The following SORBS2 variants were observed in gnomAD, a reference collection of about 807,000 sequenced individuals.
SORBS2 encodes the protein sorbin and SH3 domain containing 2.
SORBS2 carries 46 observed loss-of-function variants against 97.7 expected under a neutral mutation model. That is an observed-to-expected ratio of 0.47 (90% CI 0.37 to 0.60). The LOEUF (loss-of-function observed/expected upper bound fraction) is 0.60, where lower values mean the gene tolerates loss of function less well. Among genes scored for constraint, SORBS2 ranks in the 20% least tolerant of loss-of-function variants. The pLI, the probability that SORBS2 is intolerant of heterozygous loss-of-function variation, is 0.00. For missense variants in SORBS2, 1,316 were observed against 1,282.3 expected (o/e 1.03, Z -0.40); for synonymous variants, 476 against 473.4 (o/e 1.01, Z -0.07).
At chr4:185,722,578 T>TA (rs919226786) in intron 2 of SORBS2, among the ~76,000 whole-genome samples, 8 of 152,052 alleles carry the variant, frequency 5.3e-5, no homozygotes, top group African/African-American at 1.4e-4. Context: ...TGATTGGTGA[T>TA]AAAAAAAATT....
intron 13 of SORBS2, among the ~76,000 whole-genome samples, chr4:185,591,276 T>C (rs2095926486): frequency 6.6e-6 from 1 of 152,190 alleles, no homozygotes; most frequent in South Asian, 2.1e-4. Context: ...TAGAGGCTTC[T>C]TCTCCTGTTA....
At chr4:185,744,952 C>T (rs183730949) in intron 2 of SORBS2, among the ~76,000 whole-genome samples, 6 of 152,332 alleles carry the variant, frequency 3.9e-5, no homozygotes, top group Admixed American at 2.6e-4. Flanking sequence ...ATATTGAAGT[C>T]GCCCAAACTG....
At chr4:185,708,656 C>G (rs1583177393) in intron 2 of SORBS2, among the ~76,000 whole-genome samples, 1 of 152,250 alleles carries the variant, frequency 6.6e-6, no homozygotes, top group East Asian at 1.9e-4. Context: ...TTCTTTCCGC[C>G]CTCCGTGATG....
At chr4:185,758,449 C>T (rs2098844163) in intron 2 of SORBS2, among the ~76,000 whole-genome samples, 1 of 152,184 alleles carries the variant, frequency 6.6e-6, no homozygotes, top group African/African-American at 2.4e-5. Flanking sequence ...CCTCCTCCTC[C>T]TGGCCTCTCA....
At chr4:185,926,209 T>C (rs759282225) in intron 1 of SORBS2, among the ~76,000 whole-genome samples, 9 of 152,190 alleles carry the variant, frequency 5.9e-5, no homozygotes, top group Non-Finnish European at 1.0e-4. Flanking sequence ...ATTTGCATTT[T>C]GAAAATGACT....
chr4:185,658,351 T>C (rs1445373270), upstream of SORBS2, among the ~76,000 whole-genome samples: 2 of 152,206 alleles, frequency 1.3e-5, no homozygotes, highest in Admixed American at 1.3e-4. Context: ...TAGAATACTT[T>C]CAGAAGCAAC....
chr4:185,868,701 A>C (rs557514155), intron 1 of SORBS2, among the ~76,000 whole-genome samples: 1 of 152,202 alleles, frequency 6.6e-6, no homozygotes, highest in African/African-American at 2.4e-5. Flanking sequence ...GGGAATAGAG[A>C]AAAGCTAAAG....
intron 1 of SORBS2, among the ~76,000 whole-genome samples, chr4:185,938,604 T>C (rs2099270267): frequency 6.6e-6 from 1 of 152,058 alleles, no homozygotes; most frequent in African/African-American, 2.4e-5. Flanking sequence ...AAGCATCCAC[T>C]CTGATAATTA....
At chr4:185,897,067 T>G (rs1300878011) in intron 1 of SORBS2, among the ~76,000 whole-genome samples, 1 of 152,068 alleles carries the variant, frequency 6.6e-6, no homozygotes, top group Non-Finnish European at 1.5e-5. Context: ...TGCTCACTTC[T>G]GCCTTCCGGT....
At chr4:185,711,632 C>A (rs1043739959) in intron 2 of SORBS2, among the ~76,000 whole-genome samples, 4 of 152,220 alleles carry the variant, frequency 2.6e-5, no homozygotes, top group African/African-American at 7.2e-5. Flanking sequence ...TCAAAGCAAT[C>A]TGTTCTACAT....
intron 1 of SORBS2, among the ~76,000 whole-genome samples, chr4:185,828,335 C>T (rs1442520141): frequency 6.6e-6 from 1 of 152,096 alleles, no homozygotes; most frequent in African/African-American, 2.4e-5. Context: ...AGACGCAGAA[C>T]CAGAGGAGGC....
At chr4:185,847,455 C>T (rs984875515) in intron 1 of SORBS2, among the ~76,000 whole-genome samples, 3 of 152,050 alleles carry the variant, frequency 2.0e-5, no homozygotes, top group Admixed American at 6.6e-5. Context: ...TGAACACATG[C>T]GTCAATGGTG....
At chr4:185,600,463 C>G (rs529482409) in intron 12 of SORBS2, among the ~76,000 whole-genome samples, 2 of 152,140 alleles carry the variant, frequency 1.3e-5, no homozygotes, top group African/African-American at 4.8e-5. Context: ...CTCAGCCTCC[C>G]GAGTAGCTGG....
chr4:185,598,267 A>G (rs552091037), intron 12 of SORBS2, among the ~76,000 whole-genome samples: 18 of 152,306 alleles, frequency 1.2e-4, no homozygotes, highest in African/African-American at 4.3e-4. Flanking sequence ...TGCGGTTTTC[A>G]TCGTATCCTA....
intron 1 of SORBS2, among the ~76,000 whole-genome samples, chr4:185,893,207 C>T (rs1171364231): frequency 6.6e-6 from 1 of 152,178 alleles, no homozygotes; most frequent in Non-Finnish European, 1.5e-5. Flanking sequence ...AAGGCCTTAT[C>T]ATACTAGGAA....
At position 185,857,100 on chromosome 4, in the gene SORBS2, A is replaced by G. The variant is rs533185370; in HGVS notation, c.-337-81734T>C. On this transcript the variant is annotated intron_variant, in intron 1 of 20. Transcript: ENST00000284776. ...ACTAGGATTATATAAGGTCGTTAGT[A>G]TGGGGCTCCCATGATGATGGACTGG... Among the ~76,000 whole-genome samples the G allele has an allele frequency of 3.9e-5, 6 of 152,322 alleles. No individual in the cohort carries two copies. In the South Asian group the frequency reaches 1.2e-3, roughly 32 times the overall value.
intron 2 of SORBS2, among the ~76,000 whole-genome samples, chr4:185,688,501 GATAA>G (rs59667435): frequency 0.15 from 21,273 of 138,998 alleles, 1,558 homozygotes; most frequent in Middle Eastern, 0.2. Flanking sequence ...TTGATAGATA[GATAA>G]ATAGATAGAT....
chr4:185,733,793 T>A (rs1218640377), intron 2 of SORBS2, among the ~76,000 whole-genome samples: 1 of 152,076 alleles, frequency 6.6e-6, no homozygotes, highest in Non-Finnish European at 1.5e-5. Context: ...AAAAAGCGAG[T>A]TCTCTTGATA....
At chr4:185,602,151 AG>A (rs1561335814) in intron 12 of SORBS2, among the ~76,000 whole-genome samples, 1 of 152,082 alleles carries the variant, frequency 6.6e-6, no homozygotes, top group African/African-American at 2.4e-5. Flanking sequence ...CTGGGATTAC[AG>A]GCACCTGTCA....
Sources: allele counts gnomAD v4.1 joint callset (sites outside exome capture counted in the v4.1 genomes callset), GRCh38; gene constraint gnomAD v4.1.1; transcripts MANE v1.5; gene names NCBI Gene and HGNC (gene_info 2026-07-23, HGNC 2026-07-21).